PARP6: variants seen among roughly 807,000 people sequenced by gnomAD.
PARP6 encodes the protein protein mono-ADP-ribosyltransferase PARP6.
Under a neutral mutation model 92.0 loss-of-function variants are expected in PARP6, and 27 were observed. The observed-to-expected ratio is 0.29, with a 90% CI of 0.22 to 0.40. The LOEUF (loss-of-function observed/expected upper bound fraction) is 0.40, where lower values mean the gene tolerates loss of function less well. Ranked by LOEUF, PARP6 falls within the 10% of genes least tolerant of loss-of-function variation. PARP6 has a pLI of 1.00. For missense variants in PARP6, 501 were observed against 784.5 expected (o/e 0.64, Z 4.32); for synonymous variants, 272 against 281.2 (o/e 0.97, Z 0.33).
chr15:72,246,389 C>T (rs1286353459), intron 20 of PARP6, among the ~76,000 whole-genome samples: 4 of 152,250 alleles, frequency 2.6e-5, no homozygotes, highest in Non-Finnish European at 5.9e-5. Flanking sequence ...ACCTCGTGAT[C>T]CACCTGCTTT....
chr15:72,249,697 T>A (rs531968563), intron 19 of PARP6, among the ~76,000 whole-genome samples: 13 of 152,138 alleles, frequency 8.5e-5, no homozygotes, highest in Non-Finnish European at 1.6e-4. Context: ...GTCTCCCATA[T>A]CTACTCCTTG....
At chr15:72,268,470 G>T (rs757331734) in intron 2 of PARP6, among the ~76,000 whole-genome samples, 2 of 152,084 alleles carry the variant, frequency 1.3e-5, no homozygotes, top group African/African-American at 4.8e-5. Context: ...AGTCCTCAAC[G>T]GCCAGATCAC....
At chr15:72,265,249 C>A in intron 6 of PARP6, 78 bp from the exon 7 acceptor site, 1 of 1,078,540 alleles carries the variant, frequency 9.3e-7, no homozygotes, top group South Asian at 1.3e-5. Flanking sequence ...ATGACACACA[C>A]ATGCACATGA....
intron 8 of PARP6, 126 bp from the exon 9 acceptor site, chr15:72,261,833 G>A: frequency 1.2e-6 from 1 of 857,758 alleles, no homozygotes; most frequent in Non-Finnish European, 1.9e-6. Flanking sequence ...AGGGGAATGT[G>A]TATCTGAAGA....
chr15:72,247,493 G>A (rs1057058274), intron 20 of PARP6, among the ~76,000 whole-genome samples: 2 of 152,058 alleles, frequency 1.3e-5, no homozygotes, highest in African/African-American at 4.8e-5. Flanking sequence ...TTTTAATATA[G>A]TCAAATTTAT....
intron 15 of PARP6, chr15:72,253,779 A>T (rs1366344704): frequency 1.7e-6 from 1 of 593,732 alleles, no homozygotes; most frequent in Non-Finnish European, 3.1e-6. Context: ...AGTTGATTAT[A>T]AATCAAAAAA....
At chr15:72,264,478 T>C (rs1475947922) in intron 8 of PARP6, 77 bp downstream of exon 8, 25 of 1,093,166 alleles carry the variant, frequency 2.3e-5, no homozygotes, top group Non-Finnish European at 3.5e-5. Context: ...TCCAAGGCTC[T>C]GCCTGTCCAT....
At chr15:72,264,165 A>AC (rs2086259761) in intron 8 of PARP6, among the ~76,000 whole-genome samples, 1 of 152,244 alleles carries the variant, frequency 6.6e-6, no homozygotes, top group African/African-American at 2.4e-5. Flanking sequence ...CTGAGAGTGG[A>AC]AAATATGCTT....
intron 11 of PARP6, among the ~76,000 whole-genome samples, chr15:72,258,621 A>G (rs1567208909): frequency 2.0e-5 from 3 of 152,256 alleles, no homozygotes; most frequent in African/African-American, 7.2e-5. Context: ...AAGCCATTTC[A>G]ACTACCTAGA....
Position 72,242,687 on chromosome 15 carries a change from C to G in PARP6, c.1574G>C (p.Gly525Ala). Residue 525 changes from glycine (G) to alanine (A), a missense_variant, in exon 21 of 24, where the codon GGA becomes GCA. By Grantham distance (60) the Gly-to-Ala change is moderately conservative. Transcript: ENST00000569795. This position sits in a 1 kb window ranked among gnomAD's most constrained non-coding sequence, Gnocchi z 4.3. Reference protein sequence around the residue: ...ISFGYSGMGKGQHRMPSKDEL... With the variant: ...ISFGYSGMGKAQHRMPSKDEL... ...ATCCTTGGAGGGCATCCTGTGCTGT[C>G]CTTTTCCCATTCCTGTCACAGAACA... 1 of 1,607,006 alleles carries G rather than the reference C, an allele frequency of 6.2e-7. No individual in the cohort carries two copies. The highest frequency in any genetic ancestry group is 8.5e-7 in the Non-Finnish European group (1 of 1,176,442).
At chr15:72,266,105 A>G in intron 4 of PARP6, 114 bp from the exon 5 acceptor site, 1 of 770,866 alleles carries the variant, frequency 1.3e-6, no homozygotes, top group Non-Finnish European at 2.2e-6. Context: ...AGACAGCAGT[A>G]TAGGGGAAGT....
intron 3 of PARP6, chr15:72,267,244 T>G: frequency 1.7e-6 from 1 of 591,062 alleles, no homozygotes; most frequent in South Asian, 2.1e-5. Context: ...TCTCATTATT[T>G]TCTTTCTATC....
intron 2 of PARP6, among the ~76,000 whole-genome samples, chr15:72,268,944 CT>C (rs1004855974): frequency 4.5e-4 from 69 of 152,280 alleles, no homozygotes; most frequent in African/African-American, 1.7e-3. Flanking sequence ...CCATTAAAAC[CT>C]CCACATATAG....
rs2084056436 is a variant in PARP6 at position 72,249,528 on chromosome 15, G to A, written c.1492-214C>T. ...GTGCTACATACTGACACATTCGAGAGTGGGAAATGGTAGAACCACTGAGTC... is the reference window on the plus strand; with the variant it reads ...GTGCTACATACTGACACATTCGAGAATGGGAAATGGTAGAACCACTGAGTC... On this transcript the variant is annotated intron_variant, in intron 19 of 23. Coordinates refer to ENST00000569795, the MANE Select transcript of PARP6 (RefSeq NM_001323532.2). Among the ~76,000 whole-genome samples, 6 of 152,372 alleles carry A rather than the reference G, an allele frequency of 3.9e-5. 1 individual carries two copies. The South Asian group carries it at 1.0e-3, about 26-fold the overall frequency.
At chr15:72,267,194 A>G (rs910039071) in intron 3 of PARP6, 2 of 544,776 alleles carry the variant, frequency 3.7e-6, no homozygotes, top group Middle Eastern at 4.8e-4. Flanking sequence ...TTCCAGGATC[A>G]TTACCTAAGA....
chr15:72,261,768 A>C, intron 8 of PARP6, 61 bp from the exon 9 acceptor site: 1 of 1,509,596 alleles, frequency 6.6e-7, no homozygotes, highest in South Asian at 1.1e-5. Flanking sequence ...ATAAGGACTA[A>C]AGAGAGACAA....
At chr15:72,264,074 T>A (rs569519064) in intron 8 of PARP6, among the ~76,000 whole-genome samples, 136 of 151,742 alleles carry the variant, frequency 9.0e-4, no homozygotes, top group African/African-American at 3.0e-3. Context: ...ACAGACTGAG[T>A]CACTCTTCAG....
intron 16 of PARP6, chr15:72,251,472 G>C: frequency 5.4e-6 from 2 of 372,276 alleles, no homozygotes; most frequent in Non-Finnish European, 4.8e-6. Flanking sequence ...CCAGACACAA[G>C]CTAATTATTG....
chr15:72,249,339 TA>T, intron 19 of PARP6, 25 bp from the exon 20 acceptor site: 1 of 1,456,004 alleles, frequency 6.9e-7, no homozygotes, highest in Non-Finnish European at 9.6e-7. Context: ...CCAGGATGAG[TA>T]ATATGAGCCT....
Sources: allele counts gnomAD v4.1 joint callset (sites outside exome capture counted in the v4.1 genomes callset), GRCh38; gene constraint gnomAD v4.1.1; non-coding constraint Gnocchi (gnomAD v3.1); transcripts MANE v1.5; gene names NCBI Gene and HGNC (gene_info 2026-07-23, HGNC 2026-07-21).